The following DCC variants were observed in gnomAD, a reference collection of about 807,000 sequenced individuals.
The protein encoded by DCC is netrin receptor DCC.
Under a neutral mutation model 172.5 loss-of-function variants are expected in DCC, and 58 were observed. The ratio of observed to expected loss-of-function variants is 0.34; its 90% CI spans 0.27 to 0.42. The LOEUF is 0.42. Ranked by LOEUF, DCC falls within the 10% of genes least tolerant of loss-of-function variation. DCC has a pLI of 1.00. For synonymous variants in DCC, 709 were observed against 644.5 expected (o/e 1.10, Z -1.52); for missense variants, 1,740 against 1,791.0 (o/e 0.97, Z 0.51).
intron 12 of DCC, among the ~76,000 whole-genome samples, chr18:53,290,642 A>T (rs1003272726): frequency 3.9e-4 from 58 of 147,984 alleles, no homozygotes; most frequent in African/African-American, 1.3e-3. Flanking sequence ...GTGGTTTCAT[A>T]AAAAAAAAAC....
At chr18:53,444,727 G>A (rs1314274629) in intron 22 of DCC, among the ~76,000 whole-genome samples, 1 of 152,198 alleles carries the variant, frequency 6.6e-6, no homozygotes, top group East Asian at 1.9e-4. Flanking sequence ...ATAGACTACA[G>A]TATAGTGTAA....
At position 53,407,528 on chromosome 18, in the gene DCC, G is replaced by GATATATATATATATATATAT. The variant is rs74180422; in HGVS notation, c.2936-2915_2936-2896dup. Among the ~76,000 whole-genome samples, 992 of 117,194 alleles carry GATATATATATATATATATAT rather than the reference G, an allele frequency of 8.5e-3. 8 individuals are homozygous for GATATATATATATATATATAT. Among genetic ancestry groups the GATATATATATATATATATAT allele is most frequent in the East Asian group, 0.01 (31 of 3,066 alleles). The allele number at this position is 117,194 out of a possible 152,430, so 76.9% of individuals were successfully genotyped here. On this transcript the variant is annotated intron_variant, in intron 19 of 28. Coordinates refer to ENST00000442544, the MANE Select transcript of DCC (RefSeq NM_005215.4). ...TATATCTCCAGTGATTTTTATTCTG[G>GATATATATATATATATATAT]ATATATATATATATATATATATATA... is the stretch of plus-strand genomic sequence containing the variant.
chr18:52,556,292 T>A (rs1051850797), intron 1 of DCC, among the ~76,000 whole-genome samples: 1 of 152,110 alleles, frequency 6.6e-6, no homozygotes, highest in African/African-American at 2.4e-5. Context: ...TTGCCATAAC[T>A]ATATTATACA....
At chr18:53,515,396 G>A (rs2046321045) in intron 27 of DCC, among the ~76,000 whole-genome samples, 1 of 150,788 alleles carries the variant, frequency 6.6e-6, no homozygotes, top group African/African-American at 2.4e-5. Flanking sequence ...TACAAGACAG[G>A]GATGCCCTCT....
chr18:52,442,919 C>A (rs1197541643), intron 1 of DCC, among the ~76,000 whole-genome samples: 1 of 152,094 alleles, frequency 6.6e-6, no homozygotes, highest in Non-Finnish European at 1.5e-5. Context: ...AAGCTCCAAC[C>A]CCCACATGAA....
At chr18:53,440,234 G>A (rs1365648493) in intron 22 of DCC, among the ~76,000 whole-genome samples, 3 of 152,066 alleles carry the variant, frequency 2.0e-5, no homozygotes, top group African/African-American at 7.2e-5. Flanking sequence ...AAGATAAAAT[G>A]GCAATTTCCT....
intron 1 of DCC, among the ~76,000 whole-genome samples, chr18:52,530,031 T>C (rs544077512): frequency 1.5e-4 from 23 of 152,342 alleles, no homozygotes; most frequent in Admixed American, 1.5e-3. Flanking sequence ...CTCAAAATTT[T>C]GAATGCAATT....
chr18:53,052,854 A>G (rs963365537), intron 5 of DCC, among the ~76,000 whole-genome samples: 3 of 152,026 alleles, frequency 2.0e-5, no homozygotes, highest in African/African-American at 7.2e-5. Flanking sequence ...TCTCAATCAG[A>G]AAAGGAAATG....
intron 1 of DCC, among the ~76,000 whole-genome samples, chr18:52,427,379 CTT>C (rs1294151425): frequency 6.6e-6 from 1 of 150,878 alleles, no homozygotes; most frequent in Non-Finnish European, 1.5e-5. Flanking sequence ...TTTTTAAAAT[CTT>C]TTAAGAAGGA....
At position 53,175,781 on chromosome 18, in the gene DCC, C is replaced by T. The variant is rs866363048; in HGVS notation, c.1419-3181C>T. Among the ~76,000 whole-genome samples, 855 of 151,886 alleles carry T rather than the reference C, an allele frequency of 5.6e-3. 7 individuals carry two copies. Among genetic ancestry groups the T allele is most frequent in the Admixed American group, 0.023 (350 of 15,248 alleles). On this transcript the variant is annotated intron_variant, in intron 8 of 28. Transcript: ENST00000442544. ...GGTAATTTACAGATTCAATGCCATC[C>T]CCATCAAGCTACCAATGCCTTTCTT... is the stretch of plus-strand genomic sequence containing the variant.
At chr18:53,048,965 G>T (rs575413194) in intron 5 of DCC, among the ~76,000 whole-genome samples, 1 of 152,024 alleles carries the variant, frequency 6.6e-6, no homozygotes, top group East Asian at 1.9e-4. Flanking sequence ...TATTCTTGTT[G>T]ACTGTATGTA....
In DCC at chr18:52,340,838, C is replaced by G; in HGVS notation, c.51C>G (p.Leu17=). ...CVWVPKLAFV[L]FGASLFSAHL... ...GGGTACCCAAGCTGGCTTTTGTACT[C>G]TTCGGAGCTTCCTTGTTCAGCGCGC... is the stretch of plus-strand genomic sequence containing the variant. Residue 17 remains leucine, a synonymous_variant, in exon 1 of 29, where the codon CTC becomes CTG. Coordinates refer to ENST00000442544, the MANE Select transcript of DCC (RefSeq NM_005215.4). The G allele has an allele frequency of 6.2e-7, 1 of 1,614,108 alleles. No individual in the cohort carries two copies. Among genetic ancestry groups the G allele is most frequent in the Non-Finnish European group, 8.5e-7 (1 of 1,180,008 alleles).
At chr18:52,717,371 A>C (rs1599043420) in intron 1 of DCC, among the ~76,000 whole-genome samples, 2 of 151,794 alleles carry the variant, frequency 1.3e-5, no homozygotes, top group East Asian at 1.9e-4. Context: ...GCATAGTGAT[A>C]GTACTTGAGG....
At chr18:52,534,074 G>A (rs549002158) in intron 1 of DCC, among the ~76,000 whole-genome samples, 2 of 152,146 alleles carry the variant, frequency 1.3e-5, no homozygotes, top group East Asian at 3.9e-4. Context: ...CCTACTGTAT[G>A]GATATACCAC....
intron 21 of DCC, among the ~76,000 whole-genome samples, chr18:53,428,298 A>G (rs1453259964): frequency 1.8e-5 from 1 of 56,018 alleles, no homozygotes; most frequent in African/African-American, 5.8e-5. Context: ...AGAATATAAT[A>G]ATATATAGAA....
rs980345319 is a variant in DCC, at chr18:52,723,178, G to T, written c.92-28876G>T. Among the ~76,000 whole-genome samples the T allele has an allele frequency of 1.3e-5, 2 of 152,090 alleles. 1 individual carries two copies. Among genetic ancestry groups the T allele is most frequent in the South Asian group, 4.1e-4 (2 of 4,828 alleles). ...TGTTCTCTTTTGTCTGCAGTGATCTGAACTCTCCTTATATTGTTTGTTTGT... is the reference window on the plus strand; with the variant it reads ...TGTTCTCTTTTGTCTGCAGTGATCTTAACTCTCCTTATATTGTTTGTTTGT... On this transcript the variant is annotated intron_variant, in intron 1 of 28. Transcript: ENST00000442544.
intron 7 of DCC, among the ~76,000 whole-genome samples, chr18:53,079,652 G>T (rs1056389827): frequency 1.3e-5 from 2 of 152,104 alleles, no homozygotes; most frequent in Non-Finnish European, 2.9e-5. Context: ...ATAGGGGTAA[G>T]AAAAAGGAGA....
At chr18:52,720,002 A>G (rs2145073591) in intron 1 of DCC, among the ~76,000 whole-genome samples, 1 of 152,220 alleles carries the variant, frequency 6.6e-6, no homozygotes, top group African/African-American at 2.4e-5. Context: ...CAAGCTCTGA[A>G]TTCTATTTTA....
intron 7 of DCC, among the ~76,000 whole-genome samples, chr18:53,131,916 T>C (rs1016045801): frequency 6.7e-6 from 1 of 148,328 alleles, no homozygotes; most frequent in Non-Finnish European, 1.5e-5. Context: ...CAGCCTATAA[T>C]GGCACTTGGC....
Sources: allele counts gnomAD v4.1 joint callset (sites outside exome capture counted in the v4.1 genomes callset), GRCh38; gene constraint gnomAD v4.1.1; transcripts MANE v1.5; gene names NCBI Gene and HGNC (gene_info 2026-07-23, HGNC 2026-07-21).